ABI3BP: variants seen among roughly 807,000 people sequenced by gnomAD.
ABI3BP encodes the protein target of Nesh-SH3.
In ABI3BP, 216 loss-of-function variants were observed where a neutral mutation model predicts 268.6. The ratio of observed to expected loss-of-function variants is 0.80; its 90% confidence interval spans 0.72 to 0.90. The LOEUF is 0.90. Among genes scored for constraint, ABI3BP ranks in the 40% least tolerant of loss-of-function variants. The pLI, the probability that ABI3BP is intolerant of heterozygous loss-of-function variation, is 0.00. For synonymous variants in ABI3BP, 730 were observed against 730.0 expected, an observed-to-expected ratio of 1.00 and a Z score of 0.00; for missense variants, 2,090 against 2,182.4, an observed-to-expected ratio of 0.96 and a Z score of 0.84.
chr3:100,873,453 A>C (rs2099130245), intron 9 of ABI3BP, among the ~76,000 whole-genome samples: 1 of 152,040 alleles, frequency 6.6e-6, no homozygotes, highest in Non-Finnish European at 1.5e-5. Context: ...AAAAAGGAAA[A>C]GAGTTATTGG....
intron 57 of ABI3BP, among the ~76,000 whole-genome samples, chr3:100,784,332 A>C (rs2096960064): frequency 6.6e-6 from 1 of 152,122 alleles, no homozygotes; most frequent in Non-Finnish European, 1.5e-5. Flanking sequence ...ATGAGATACC[A>C]CCTTTCTCCT....
chr3:100,902,257 T>C (rs1582712435), intron 3 of ABI3BP, among the ~76,000 whole-genome samples: 2 of 152,270 alleles, frequency 1.3e-5, no homozygotes, highest in Admixed American at 6.5e-5. Flanking sequence ...CACTGTAAAA[T>C]AGAAACAGGC....
At chr3:100,763,583 A>C (rs1045813849) in intron 63 of ABI3BP, among the ~76,000 whole-genome samples, 1 of 152,138 alleles carries the variant, frequency 6.6e-6, no homozygotes, top group African/African-American at 2.4e-5. Context: ...AAAAGACAGG[A>C]GCAATAAACA....
intron 26 of ABI3BP, 90 bp downstream of exon 26, chr3:100,838,120 T>C: frequency 7.4e-7 from 1 of 1,353,616 alleles, no homozygotes; most frequent in South Asian, 1.3e-5. Context: ...TGGATTTCTA[T>C]GATTTATATG....
chr3:100,780,920 G>C (rs2096846203), intron 57 of ABI3BP, among the ~76,000 whole-genome samples: 2 of 152,028 alleles, frequency 1.3e-5, no homozygotes, highest in Non-Finnish European at 2.9e-5. Context: ...GAACTAATTA[G>C]GTTTTTGTCG....
At chr3:100,958,528 A>T (rs1350533641) in intron 1 of ABI3BP, among the ~76,000 whole-genome samples, 2 of 152,252 alleles carry the variant, frequency 1.3e-5, no homozygotes, top group African/African-American at 4.8e-5. Context: ...GTATATTATG[A>T]AAGTGTCCTA....
In ABI3BP at chr3:100,875,607, G is replaced by A. The variant is rs776301589; in HGVS notation, c.746-28C>T. The A allele has an allele frequency of 1.6e-5, 25 of 1,546,556 alleles. No individual in the cohort carries two copies. The South Asian group carries it at 2.7e-4, about 17-fold the overall frequency. On this transcript the variant is annotated intron_variant, in intron 7 of 67. Transcript: ENST00000471714. ...GTTGAAATACAAAAAGACAGTGTGA[G>A]GGGGTGGGAAATAGGAGGCAGTAAG... is the stretch of plus-strand genomic sequence containing the variant.
intron 4 of ABI3BP, among the ~76,000 whole-genome samples, chr3:100,888,417 C>G (rs2042962983): frequency 6.6e-6 from 1 of 151,994 alleles, no homozygotes; most frequent in Admixed American, 6.6e-5. Context: ...AAAATCAGAC[C>G]AGATGGGCCA....
chr3:100,847,300 A>G (rs1008649047), intron 19 of ABI3BP, among the ~76,000 whole-genome samples: 33 of 152,340 alleles, frequency 2.2e-4, no homozygotes, highest in African/African-American at 7.7e-4. Context: ...TAAAAAAAAG[A>G]GAACTATATA....
rs1220319022 is a variant in ABI3BP, at chr3:100,842,040, C to G, written c.1724-1G>C. ...GGCAGTAGAGTCTGAGGTTCTGGGG[C>G]TGTAATAAAAGCAAGTAATATCAAA... On this transcript the variant is annotated splice_acceptor_variant, in intron 20 of 67. Coordinates refer to ENST00000471714, the MANE Select transcript of ABI3BP (RefSeq NM_001375547.2). LOFTEE classifies it high-confidence loss of function. 3.3e-6 allele frequency: 5 copies of G among 1,534,182 alleles called. No individual in the cohort carries two copies. The African/African-American group carries it at 4.1e-5, about 13-fold the overall frequency.
chr3:100,818,106 A>G (rs909657575), intron 41 of ABI3BP, among the ~76,000 whole-genome samples: 4 of 152,220 alleles, frequency 2.6e-5, no homozygotes, highest in African/African-American at 9.6e-5. Flanking sequence ...TACTAAAAAC[A>G]TCATTCCTTG....
At chr3:100,808,287 T>C (rs2097767076) in intron 49 of ABI3BP, 52 bp from the exon 50 acceptor site, 2 of 1,362,602 alleles carry the variant, frequency 1.5e-6, no homozygotes, top group Non-Finnish European at 2.0e-6. Flanking sequence ...AGAATGACAG[T>C]ACCTAAGCCT....
At chr3:100,875,467 C>T (rs757347672) in intron 8 of ABI3BP, 41 bp downstream of exon 8, 23 of 1,453,148 alleles carry the variant, frequency 1.6e-5, no homozygotes, top group Admixed American at 5.4e-5. Flanking sequence ...AAAGATAGCC[C>T]GATTTGCTTA....
intron 32 of ABI3BP, 84 bp from the exon 33 acceptor site, chr3:100,829,748 C>G: frequency 9.2e-7 from 1 of 1,082,966 alleles, no homozygotes; most frequent in African/African-American, 1.6e-5. Context: ...AATTTCTTGA[C>G]TTCCAAGAAA....
intron 1 of ABI3BP, among the ~76,000 whole-genome samples, chr3:100,957,421 A>G (rs2077216404): frequency 1.3e-5 from 2 of 152,212 alleles, no homozygotes; most frequent in Non-Finnish European, 1.5e-5. Context: ...CTGCATGTCT[A>G]TTAGAAAGCC....
chr3:100,762,897 T>G (rs2096054928), intron 63 of ABI3BP, among the ~76,000 whole-genome samples: 1 of 152,198 alleles, frequency 6.6e-6, no homozygotes, highest in South Asian at 2.1e-4. Flanking sequence ...GTTCTTTACT[T>G]CAGACTACTG....
In ABI3BP at chr3:100,780,203, T is replaced by A; in HGVS notation, c.4169A>T (p.Lys1390Met). 2 of 1,612,708 alleles carry A rather than the reference T, an allele frequency of 1.2e-6. No individual in the cohort carries two copies. Among genetic ancestry groups the A allele is most frequent in the Non-Finnish European group, 1.7e-6 (2 of 1,179,048 alleles). The change falls in exon 58 of 68, where the codon AAG becomes ATG. Residue 1390 changes from lysine to methionine, a missense_variant. By Grantham distance (95) the Lys-to-Met change is moderately conservative. Transcript: ENST00000471714. Reference sequence around the variant, plus strand: ...AGCACCTGATGGCCTGGGTGCTTGCTTGACCCCTATGAGCAGAGATAATGA... The same window carrying A: ...AGCACCTGATGGCCTGGGTGCTTGCATGACCCCTATGAGCAGAGATAATGA... Reference protein sequence around the residue: ...PSGNGVGTGVKQAPRPSGADR... With the variant: ...PSGNGVGTGVMQAPRPSGADR...
intron 6 of ABI3BP, among the ~76,000 whole-genome samples, chr3:100,882,707 A>C (rs1448898537): frequency 6.6e-6 from 1 of 152,014 alleles, no homozygotes; most frequent in African/African-American, 2.4e-5. Context: ...AAAAAATTAA[A>C]TTCCCTGAGA....
At chr3:100,933,644 T>TATAC (rs2064641784) in intron 1 of ABI3BP, among the ~76,000 whole-genome samples, 1 of 149,242 alleles carries the variant, frequency 6.7e-6, no homozygotes, top group Non-Finnish European at 1.5e-5. Context: ...TATATATATA[T>TATAC]ATCTATTGAA....
Sources: gnomAD v4.1 joint callset for allele counts (sites outside exome capture counted in the v4.1 genomes callset) on GRCh38, gnomAD v4.1.1 for gene constraint, MANE v1.5 for transcripts, NCBI Gene and HGNC (gene_info 2026-07-23, HGNC 2026-07-21) for gene names.